The following INTS1 variants were observed in gnomAD, a reference collection of about 807,000 sequenced individuals.
The protein encoded by INTS1 is integrator complex subunit 1.
Under a neutral mutation model 241.6 loss-of-function variants are expected in INTS1, and 137 were observed. The observed-to-expected ratio is 0.57, with a 90% CI of 0.49 to 0.65. INTS1 has a LOEUF of 0.65. INTS1 is among the 30% of genes least tolerant of loss of function. INTS1 has a pLI of 0.00. For missense variants in INTS1, 3,073 were observed against 3,032.2 expected, an observed-to-expected ratio of 1.01 and a Z score of -0.32; for synonymous variants, 1,692 against 1,337.8, an observed-to-expected ratio of 1.26 and a Z score of -5.78.
chr7:1,472,505 C>T, intron 43 of INTS1, 119 bp from the exon 44 acceptor site: 1 of 657,574 alleles, frequency 1.5e-6, no homozygotes, highest in Non-Finnish European at 2.6e-6. Context: ...AAGGTGCCTG[C>T]ACACAGCAGC....
In INTS1 at chr7:1,472,544, C is replaced by T. The variant is rs182761610; in HGVS notation, c.6071-158G>A. ...CCACAAATGGGGTGGAGCCAGGAGC[C>T]GGGAGCTGCCTTTGGATCCGGCGCA... On this transcript the variant is annotated intron_variant, in intron 43 of 47. Coordinates refer to ENST00000404767, the MANE Select transcript of INTS1 (RefSeq NM_001080453.3). Among the ~76,000 whole-genome samples the T allele has an allele frequency of 1.3e-3, 202 of 152,288 alleles. 1 individual carries two copies. The highest frequency in any genetic ancestry group is 4.4e-3 in the African/African-American group (183 of 41,560).
At chr7:1,502,728 G>T (rs570201928) in intron 3 of INTS1, among the ~76,000 whole-genome samples, 173 bp downstream of exon 3, 1 of 152,158 alleles carries the variant, frequency 6.6e-6, no homozygotes, top group Non-Finnish European at 1.5e-5. Context: ...ATGCACACAC[G>T]GGATAAGGGC....
chr7:1,477,559 G>A lies in INTS1; in HGVS notation c.4929C>T (p.Ser1643=). 1.4e-5 allele frequency: 22 copies of A among 1,523,640 alleles called. No homozygotes were observed. Among genetic ancestry groups the A allele is most frequent in the Non-Finnish European group, 1.8e-5 (21 of 1,137,766 alleles). 94.4% of individuals were successfully genotyped at this position (1,523,640 alleles called of 1,614,324 possible). The change falls in exon 35 of 48, where the codon TCC becomes TCT. Residue 1643 remains serine (S), a synonymous_variant. Transcript: ENST00000404767. ...GCTGGGTGCCACCCACCTTCCTCCG[G>A]GAGAAGAGCAGCCTGAGCTGCAGGT... ...CPDLQLRLLF[S]RRKGKGQAQV...
At chr7:1,494,962 G>T (rs1436838300) in intron 13 of INTS1, 69 bp from the exon 14 acceptor site, 16 of 1,524,044 alleles carry the variant, frequency 1.0e-5, no homozygotes, top group Non-Finnish European at 1.4e-5. Flanking sequence ...TAGTTCCAGG[G>T]AAGGGACCCC....
intron 29 of INTS1, 138 bp downstream of exon 29, chr7:1,480,697 C>G: frequency 1.3e-6 from 1 of 775,282 alleles, no homozygotes; most frequent in South Asian, 1.8e-5. Flanking sequence ...GTGGGGGCCC[C>G]TCTCAGGTGG....
chr7:1,474,353 G>A lies in INTS1; in HGVS notation c.5644C>T (p.Pro1882Ser), dbSNP rs1235801098. The change falls in exon 41 of 48, where the codon CCC (proline) becomes TCC (serine). Residue 1882 changes from proline to serine, a missense_variant. Coordinates refer to ENST00000404767, the MANE Select transcript of INTS1 (RefSeq NM_001080453.3). ...CCGTGCAGGAGCGCCGCGATCATGG[G>A]CAGGTGCCTGCGGGCGCGGTGAGGG... ...AHPLLLLRHL[P>S]MIAALLHGRT... 1.1e-5 allele frequency: 17 copies of A among 1,591,786 alleles called. No homozygotes were observed. The highest frequency in any genetic ancestry group is 1.4e-5 in the Non-Finnish European group (16 of 1,169,660).
chr7:1,471,824 C>T, intron 44 of INTS1, 183 bp from the exon 45 acceptor site: 1 of 617,612 alleles, frequency 1.6e-6, no homozygotes, highest in South Asian at 1.9e-5. Context: ...CCCGGCCCTG[C>T]CCCTACTAGT....
intron 9 of INTS1, 38 bp downstream of exon 9, chr7:1,498,669 C>T: frequency 1.3e-6 from 2 of 1,515,548 alleles, no homozygotes; most frequent in African/African-American, 1.4e-5. Context: ...CACCCCCACT[C>T]CACCCGCACC....
chr7:1,493,540 G>A lies in INTS1; in HGVS notation c.2068+214C>T, dbSNP rs1358114240. ...AAAAAATGTGCAAATTCCAAAGAAC[G>A]GGGCAGTGACTGCACCATTGCCAAA... On this transcript the variant is annotated intron_variant, in intron 15 of 47. Transcript: ENST00000404767. The surrounding 1 kb of genome is among the most constrained non-coding windows in gnomAD (Gnocchi z 5.3). Among the ~76,000 whole-genome samples, 3 of 152,098 alleles carry A rather than the reference G, an allele frequency of 2.0e-5. No individual in the cohort carries two copies. The highest frequency in any genetic ancestry group is 1.9e-4 in the East Asian group (1 of 5,158).
At chr7:1,475,683 AAACC>A (rs1781681021) in intron 39 of INTS1, among the ~76,000 whole-genome samples, 2 of 151,516 alleles carry the variant, frequency 1.3e-5, no homozygotes, top group African/African-American at 4.9e-5. Context: ...GTGAACAGAT[AAACC>A]AACGGCCGAT....
rs765590233 is a variant in INTS1, at chr7:1,485,316, T to C, written c.3130A>G (p.Ser1044Gly). Reference sequence around the variant, plus strand: ...TGCTGCAGGGCCAGGGCTGTGGTGCTCCTGACGCTGTCGAACAGAGGCAGG... The same window carrying C: ...TGCTGCAGGGCCAGGGCTGTGGTGCCCCTGACGCTGTCGAACAGAGGCAGG... ...PRLPLFDSVR[S>G]TTALALQQAI... Residue 1044 changes from serine (S) to glycine (G), a missense_variant, in exon 23 of 48, where the codon AGC (serine) becomes GGC (glycine). By Grantham distance (56) the Ser-to-Gly change is moderately conservative. Transcript: ENST00000404767. The C allele has an allele frequency of 1.9e-6, 3 of 1,611,390 alleles. No homozygotes were observed. The East Asian group carries it at 6.7e-5, about 36-fold the overall frequency.
chr7:1,473,043 T>A (rs1562483851), intron 43 of INTS1, 29 bp downstream of exon 43: 1 of 1,489,912 alleles, frequency 6.7e-7, no homozygotes, highest in East Asian at 2.3e-5. Flanking sequence ...CCGCAGCTGC[T>A]TCCAGCAGCC....
rs866140707 is a variant in INTS1 at position 1,478,939 on chromosome 7, G to A, written c.4330-54C>T. 1.3e-4 allele frequency: 196 copies of A among 1,540,272 alleles called. 1 individual carries two copies. The Middle Eastern group carries it at 3.9e-3, about 31-fold the overall frequency. On this transcript the variant is annotated intron_variant, in intron 31 of 47. Transcript: ENST00000404767. Reference sequence around the variant, plus strand: ...CCTGGCAGAGGACACACGGGGACCCGGCACCCGAGGCCCAGAGCAGGGCCC... The same window carrying A: ...CCTGGCAGAGGACACACGGGGACCCAGCACCCGAGGCCCAGAGCAGGGCCC...
At position 1,470,325 on chromosome 7, in the gene INTS1, G is replaced by A; in HGVS notation, c.*252C>T. The A allele has an allele frequency of 2.1e-6, 1 of 472,994 alleles. No homozygotes were observed. Among genetic ancestry groups the A allele is most frequent in the Non-Finnish European group, 3.7e-6 (1 of 269,084 alleles). The allele number at this position is 472,994 out of a possible 1,614,324, so 29.3% of individuals were successfully genotyped here. A position where few individuals can be genotyped will look rare whatever the true frequency, so the allele number is the denominator to read the frequency against. ...AAACCAGCCCAGGCCATGCCCGGGG[G>A]GATCCGCCGCTCCGCGGCAGGGCTG... On this transcript the variant is annotated 3_prime_UTR_variant, in exon 48 of 48. Transcript: ENST00000404767.
At chr7:1,502,308 G>T (rs531509351) in intron 3 of INTS1, among the ~76,000 whole-genome samples, 20 of 152,266 alleles carry the variant, frequency 1.3e-4, no homozygotes, top group Middle Eastern at 3.4e-3. Flanking sequence ...GGAGCCTTGA[G>T]AAATGGTCGT....
chr7:1,479,429 C>G lies in INTS1; in HGVS notation c.4329+1G>C. The G allele has an allele frequency of 1.3e-6, 2 of 1,575,222 alleles. No homozygotes were observed. The highest frequency in any genetic ancestry group is 1.3e-5 in the African/African-American group (1 of 74,186). On this transcript the variant is annotated splice_donor_variant, in intron 31 of 47. Coordinates refer to ENST00000404767, the MANE Select transcript of INTS1 (RefSeq NM_001080453.3). LOFTEE classifies it high-confidence loss of function. ...CCCGCAAGAGGCCCACGCCCAAGTA[C>G]CTGGTACTGGCAGAGCTGGCGCAGC... is the stretch of plus-strand genomic sequence containing the variant.
chr7:1,500,327 T>A lies in INTS1; in HGVS notation c.389A>T (p.Glu130Val). 6.3e-7 allele frequency: 1 copy of A among 1,587,760 alleles called. No homozygotes were observed. Among genetic ancestry groups the A allele is most frequent in the Non-Finnish European group, 8.6e-7 (1 of 1,165,706 alleles). ...TVLLDEIEAA[E>V]LEGNDDRIEG... The stretch of plus-strand genomic sequence containing the variant: ...GATCCTGTCATCGTTGCCCTCCAGC[T>A]CGGCCGCCTCGATCTCATCCAGCAG... Residue 130 changes from glutamate to valine, a missense_variant, in exon 4 of 48, where the codon GAG becomes GTG. Transcript: ENST00000404767.
At chr7:1,485,679 C>A (rs1232575065) in intron 22 of INTS1, among the ~76,000 whole-genome samples, 1 of 152,224 alleles carries the variant, frequency 6.6e-6, no homozygotes, top group Non-Finnish European at 1.5e-5. Flanking sequence ...CACTCTGGAC[C>A]CTCCCGTCAC....
At position 1,482,133 on chromosome 7, in the gene INTS1, C is replaced by G. The variant is rs1364695341; in HGVS notation, c.3703+413G>C. On this transcript the variant is annotated intron_variant, in intron 27 of 47. Coordinates refer to ENST00000404767, the MANE Select transcript of INTS1 (RefSeq NM_001080453.3). ...TCACTGTGAGCAGGCACCAGCCCTA[C>G]TGACCTACGTGGGCCCAGGCCCCTT... 1.8e-5 allele frequency: 3 copies of G among 166,616 alleles called. No individual in the cohort carries two copies. The East Asian group carries it at 5.0e-4, about 28-fold the overall frequency. The allele number at this position is 166,616 out of a possible 1,614,324, so 10.3% of individuals were successfully genotyped here.
Sources: allele counts gnomAD v4.1 joint callset (sites outside exome capture counted in the v4.1 genomes callset), GRCh38; gene constraint gnomAD v4.1.1; non-coding constraint Gnocchi (gnomAD v3.1); transcripts MANE v1.5; gene names NCBI Gene and HGNC (gene_info 2026-07-23, HGNC 2026-07-21).